The following ADIPOR2 variants were observed in gnomAD, a reference collection of about 807,000 sequenced individuals.
ADIPOR2 encodes adiponectin receptor protein 2.
A neutral mutation model predicts 40.9 loss-of-function variants in ADIPOR2; 18 were observed. The ratio of observed to expected loss-of-function variants is 0.44; its 90% confidence interval spans 0.30 to 0.65. The LOEUF (loss-of-function observed/expected upper bound fraction) is 0.65. Ranked by LOEUF, ADIPOR2 falls within the 30% of genes least tolerant of loss-of-function variation. The pLI is 0.09. For missense variants in ADIPOR2, 283 were observed against 479.2 expected (o/e 0.59, Z 3.82); for synonymous variants, 165 against 166.4 (o/e 0.99, Z 0.06).
At chr12:1,716,375 C>A (rs1193352805) in intron 1 of ADIPOR2, among the ~76,000 whole-genome samples, 1 of 152,058 alleles carries the variant, frequency 6.6e-6, no homozygotes, top group East Asian at 1.9e-4. Context: ...TTAATATGAC[C>A]AGAAACTGAA....
intron 1 of ADIPOR2, among the ~76,000 whole-genome samples, chr12:1,712,321 G>A (rs1335551248): frequency 6.6e-6 from 1 of 152,228 alleles, no homozygotes; most frequent in African/African-American, 2.4e-5. Context: ...GTAGCACCTG[G>A]TATCCAAGCA....
chr12:1,757,396 T>C (rs1006131578), intron 2 of ADIPOR2: 1 of 725,604 alleles, frequency 1.4e-6, no homozygotes, highest in Non-Finnish European at 2.5e-6. Context: ...GCATCTTTCA[T>C]GTGAACCACA....
chr12:1,709,686 A>T (rs1378773472), intron 1 of ADIPOR2, among the ~76,000 whole-genome samples: 2 of 152,198 alleles, frequency 1.3e-5, no homozygotes, highest in Non-Finnish European at 2.9e-5. Context: ...AGATGAGAGG[A>T]TATAGCTATA....
chr12:1,787,530 G>C lies in ADIPOR2; in HGVS notation c.*1458G>C, dbSNP rs1053840365. On this transcript the variant is annotated 3_prime_UTR_variant, in exon 8 of 8. Transcript: ENST00000357103. ...CTCATGTCACAGGCCTACCTGATAC[G>C]GTGTCAGAGAAAGTGGTGGGGAAAG... 1.3e-5 allele frequency: 2 copies of C among 152,318 alleles called. No individual in the cohort carries two copies. Among genetic ancestry groups the C allele is most frequent in the South Asian group, 4.1e-4 (2 of 4,822 alleles). The allele number at this position is 152,318 out of a possible 1,614,324, so 9.4% of individuals were successfully genotyped here.
rs376869220 is a variant in ADIPOR2, at chr12:1,786,079, C to T, written c.*7C>T. 155 of 1,612,986 alleles carry T rather than the reference C, an allele frequency of 9.6e-5. No homozygotes were observed. The highest frequency in any genetic ancestry group is 1.1e-4 in the Non-Finnish European group (134 of 1,179,792). Reference sequence around the variant, plus strand: ...TGAAGAGGATGCACTGTGATACCTACCAGTCTCCAGGGACTATGACCCTAA... The same window carrying T: ...TGAAGAGGATGCACTGTGATACCTATCAGTCTCCAGGGACTATGACCCTAA... On this transcript the variant is annotated 3_prime_UTR_variant, in exon 8 of 8. Coordinates refer to ENST00000357103, the MANE Select transcript of ADIPOR2 (RefSeq NM_024551.3).
At position 1,748,280 on chromosome 12, in the gene ADIPOR2, T is replaced by C. The variant is rs138289316; in HGVS notation, c.-86-5978T>C. On this transcript the variant is annotated intron_variant, in intron 1 of 7. Transcript: ENST00000357103. ...ATTCTTTTTTTAGAGACGGAGTCTCTCTCTGTCGCCCAGGCTGGAGTGCAG... is the reference window on the plus strand; with the variant it reads ...ATTCTTTTTTTAGAGACGGAGTCTCCCTCTGTCGCCCAGGCTGGAGTGCAG... 3.9e-3 allele frequency among the ~76,000 whole-genome samples: 596 copies of C among 152,224 alleles called. 4 individuals carry two copies. Among genetic ancestry groups the C allele is most frequent in the African/African-American group, 0.014 (565 of 41,532 alleles).
rs1269680923 is a variant in ADIPOR2 at position 1,754,516 on chromosome 12, T to C, written c.171+2T>C. The C allele has an allele frequency of 1.9e-6, 3 of 1,594,820 alleles. No homozygotes were observed. The highest frequency in any genetic ancestry group is 2.6e-6 in the Non-Finnish European group (3 of 1,172,210). ...GTTCTATCTTCCCATCATAAAAAAG[T>C]AAGTCAAATTGGAAGAATGATAAAC... On this transcript the variant is annotated splice_donor_variant, in intron 2 of 7. Coordinates refer to ENST00000357103, the MANE Select transcript of ADIPOR2 (RefSeq NM_024551.3). LOFTEE classifies it high-confidence loss of function.
chr12:1,748,402 C>A (rs1351896447), intron 1 of ADIPOR2, among the ~76,000 whole-genome samples: 1 of 152,062 alleles, frequency 6.6e-6, no homozygotes, highest in Non-Finnish European at 1.5e-5. Flanking sequence ...GTGCCCGCCA[C>A]CACGCCTGGC....
intron 2 of ADIPOR2, chr12:1,757,421 G>T (rs1487528631): frequency 5.5e-6 from 4 of 730,002 alleles, no homozygotes; most frequent in Non-Finnish European, 1.0e-5. Context: ...AAGATCCAGA[G>T]TGCCTCTCTC....
intron 1 of ADIPOR2, chr12:1,731,107 C>T (rs2094719286): frequency 6.6e-6 from 1 of 152,160 alleles, no homozygotes; most frequent in South Asian, 2.1e-4. Flanking sequence ...GTTGCCCAGG[C>T]TGGAGTGCAG....
chr12:1,730,221 A>C (rs1039442908), intron 1 of ADIPOR2, among the ~76,000 whole-genome samples: 4 of 151,548 alleles, frequency 2.6e-5, no homozygotes, highest in African/African-American at 9.7e-5. Context: ...GGGGTATTAA[A>C]GTTTTTTTTT....
chr12:1,772,690 C>A, intron 2 of ADIPOR2, 152 bp from the exon 3 acceptor site: 1 of 908,034 alleles, frequency 1.1e-6, no homozygotes, highest in Non-Finnish European at 1.5e-6. Context: ...ACTAATAATT[C>A]TATAATAAAC....
At chr12:1,757,770 G>A in intron 2 of ADIPOR2, 1 of 1,089,380 alleles carries the variant, frequency 9.2e-7, no homozygotes, top group Non-Finnish European at 1.4e-6. Flanking sequence ...ATCCAGCAGG[G>A]TAGGTTATAT....
intron 2 of ADIPOR2, among the ~76,000 whole-genome samples, chr12:1,756,491 A>C (rs965189696): frequency 2.0e-5 from 3 of 147,952 alleles, no homozygotes; most frequent in African/African-American, 7.5e-5. Context: ...AAAGAAGGCC[A>C]GTGTAGTTAG....
chr12:1,696,348 T>C, intron 1 of ADIPOR2: 1 of 163,878 alleles, frequency 6.1e-6, no homozygotes, highest in Non-Finnish European at 1.4e-5. Flanking sequence ...TCCCCACCCA[T>C]CTTTATCATT....
intron 5 of ADIPOR2, 115 bp from the exon 6 acceptor site, chr12:1,780,774 C>T: frequency 7.4e-7 from 1 of 1,356,820 alleles, no homozygotes; most frequent in East Asian, 2.4e-5. Flanking sequence ...AAGAGCAACC[C>T]AGTTTGGCTC....
intron 1 of ADIPOR2, among the ~76,000 whole-genome samples, chr12:1,721,205 CTTTTTTTTTTTTTTTTTT>C (rs59268943): frequency 3.4e-5 from 2 of 58,182 alleles, no homozygotes; most frequent in Non-Finnish European, 5.8e-5. Flanking sequence ...ATAAAATAAA[CTTTTTTTTTTTTTTTTTT>C]TTTTTTTTTT....
At position 1,787,226 on chromosome 12, in the gene ADIPOR2, G is replaced by C. The variant is rs931425014; in HGVS notation, c.*1154G>C. ...GGGAGCCAGCCACAAATGAGATTCT[G>C]ACGTGTCCAGGTTTCTCCTGAGCTC... is the stretch of plus-strand genomic sequence containing the variant. On this transcript the variant is annotated 3_prime_UTR_variant, in exon 8 of 8. Coordinates refer to ENST00000357103, the MANE Select transcript of ADIPOR2 (RefSeq NM_024551.3). The C allele has an allele frequency of 3.9e-5, 6 of 152,244 alleles. No individual in the cohort carries two copies. Among genetic ancestry groups the C allele is most frequent in the Admixed American group, 3.9e-4 (6 of 15,284 alleles). 9.4% of individuals were successfully genotyped at this position (152,244 alleles called of 1,614,324 possible).
rs1327013663 is a variant in ADIPOR2 at position 1,777,216 on chromosome 12, TATAG to T, written c.292-637_292-634del. On this transcript the variant is annotated intron_variant, in intron 3 of 7. Transcript: ENST00000357103. ...GATTTATCAGAGGTAAAGTCTGTTATATAGGTAGGATGAAGGAGGTCAGTATGAG... is the reference window on the plus strand; with the variant it reads ...GATTTATCAGAGGTAAAGTCTGTTATGTAGGATGAAGGAGGTCAGTATGAG... Among the ~76,000 whole-genome samples the T allele has an allele frequency of 4.1e-4, 3 of 7,362 alleles. No homozygotes were observed. In the Non-Finnish European group the frequency reaches 0.017, roughly 42 times the overall value. The allele number at this position is 7,362 out of a possible 152,430, so 4.8% of individuals were successfully genotyped here. A position where few individuals can be genotyped will look rare whatever the true frequency, so the allele number is the denominator to read the frequency against.
Sources: gnomAD v4.1 joint callset for allele counts (sites outside exome capture counted in the v4.1 genomes callset) on GRCh38, gnomAD v4.1.1 for gene constraint, MANE v1.5 for transcripts, NCBI Gene and HGNC (gene_info 2026-07-23, HGNC 2026-07-21) for gene names.